TAOK3: variants seen among roughly 807,000 people sequenced by gnomAD.
TAOK3 encodes the protein TAO kinase 3.
A neutral mutation model predicts 120.4 loss-of-function variants in TAOK3; 40 were observed. That is an observed-to-expected ratio of 0.33 (90% CI 0.26 to 0.43). The LOEUF (loss-of-function observed/expected upper bound fraction) is 0.43. Ranked by LOEUF, TAOK3 falls within the 20% of genes least tolerant of loss-of-function variation. The pLI is 1.00. For missense variants in TAOK3, 821 were observed against 1,112.1 expected, an observed-to-expected ratio of 0.74 and a Z score of 3.72; for synonymous variants, 355 against 387.5, an observed-to-expected ratio of 0.92 and a Z score of 0.99.
At chr12:118,336,818 T>C (rs1029459493) in intron 1 of TAOK3, among the ~76,000 whole-genome samples, 7 of 152,180 alleles carry the variant, frequency 4.6e-5, no homozygotes, top group Non-Finnish European at 1.0e-4. Flanking sequence ...ACACCTATAA[T>C]ACCAGCACTT....
At chr12:118,358,610 C>T (rs996359280) in intron 1 of TAOK3, among the ~76,000 whole-genome samples, 11 of 152,024 alleles carry the variant, frequency 7.2e-5, no homozygotes, top group South Asian at 4.1e-4. Flanking sequence ...AAGACTCTTC[C>T]GACAAAATAT....
intron 11 of TAOK3, among the ~76,000 whole-genome samples, chr12:118,202,573 T>C (rs998693738): frequency 1.1e-4 from 17 of 152,144 alleles, no homozygotes; most frequent in African/African-American, 4.1e-4. Context: ...AGGTGTGAGG[T>C]GATACCTCAT....
In TAOK3 at chr12:118,205,467, G is replaced by A. The variant is rs554286528; in HGVS notation, c.820-4004C>T. On this transcript the variant is annotated intron_variant, in intron 11 of 20. Coordinates refer to ENST00000392533, the MANE Select transcript of TAOK3 (RefSeq NM_016281.4). Reference sequence around the variant, plus strand: ...ATAGCTAATTAGTAGAAGAGCTACGGCTGCAACTCAGGCTTTAAAAATTTT... The same window carrying A: ...ATAGCTAATTAGTAGAAGAGCTACGACTGCAACTCAGGCTTTAAAAATTTT... Among the ~76,000 whole-genome samples the A allele has an allele frequency of 1.3e-3, 196 of 152,220 alleles. 2 individuals carry two copies. Among genetic ancestry groups the A allele is most frequent in the African/African-American group, 4.5e-3 (186 of 41,542 alleles).
At chr12:118,213,038 T>TAGA in intron 10 of TAOK3, 43 bp from the exon 11 acceptor site, 1 of 1,264,710 alleles carries the variant, frequency 7.9e-7, no homozygotes, top group Admixed American at 2.6e-5. Context: ...TCAGGGTCTG[T>TAGA]AGAGCACACT....
chr12:118,150,889 A>G lies in TAOK3; in HGVS notation c.*108T>C, dbSNP rs1304004547. On this transcript the variant is annotated 3_prime_UTR_variant, in exon 21 of 21. Coordinates refer to ENST00000392533, the MANE Select transcript of TAOK3 (RefSeq NM_016281.4). Reference sequence around the variant, plus strand: ...ATGTCAGTAAGAGTAAGAGAGAGAGAGAGTGAGAGCAACGCCCGTTAAAAT... The same window carrying G: ...ATGTCAGTAAGAGTAAGAGAGAGAGGGAGTGAGAGCAACGCCCGTTAAAAT... 1.8e-6 allele frequency: 2 copies of G among 1,119,916 alleles called. No homozygotes were observed. Among genetic ancestry groups the G allele is most frequent in the Admixed American group, 5.0e-5 (2 of 39,712 alleles). 69.4% of individuals were successfully genotyped at this position (1,119,916 alleles called of 1,614,324 possible).
At chr12:118,277,079 C>A (rs1278663696) in intron 1 of TAOK3, among the ~76,000 whole-genome samples, 1 of 152,216 alleles carries the variant, frequency 6.6e-6, no homozygotes, top group Non-Finnish European at 1.5e-5. Flanking sequence ...CAATGTCTCT[C>A]CAAATCAAAC....
chr12:118,263,347 T>C (rs1341696039), intron 2 of TAOK3, among the ~76,000 whole-genome samples: 3 of 152,202 alleles, frequency 2.0e-5, no homozygotes, highest in Non-Finnish European at 2.9e-5. Context: ...TGACTCCAAA[T>C]AGGTTATAGA....
intron 11 of TAOK3, among the ~76,000 whole-genome samples, chr12:118,204,349 A>G (rs1308889088): frequency 5.9e-5 from 9 of 152,136 alleles, no homozygotes; most frequent in Admixed American, 5.9e-4. Context: ...AGACATTGGG[A>G]AAATGAGATA....
rs1555215274 is a variant in TAOK3 at position 118,182,623 on chromosome 12, ATTT to A, written c.1330-1019_1330-1017del. Among the ~76,000 whole-genome samples the A allele has an allele frequency of 2.4e-3, 222 of 92,388 alleles. 3 individuals are homozygous for A. The highest frequency in any genetic ancestry group is 9.7e-3 in the East Asian group (27 of 2,784). 60.6% of individuals were successfully genotyped at this position (92,388 alleles called of 152,430 possible). ...TGTATATATATATATATATATATAT[ATTT>A]TTTTTTTTTTTTAAGGATCATGTCT... On this transcript the variant is annotated intron_variant, in intron 14 of 20. Coordinates refer to ENST00000392533, the MANE Select transcript of TAOK3 (RefSeq NM_016281.4).
intron 1 of TAOK3, among the ~76,000 whole-genome samples, chr12:118,323,849 A>G (rs2043821272): frequency 6.6e-6 from 1 of 152,210 alleles, no homozygotes; most frequent in Non-Finnish European, 1.5e-5. Context: ...TTCATGAAAA[A>G]GATGAAATTA....
intron 11 of TAOK3, among the ~76,000 whole-genome samples, chr12:118,202,069 A>G (rs1213542391): frequency 6.6e-6 from 1 of 151,504 alleles, no homozygotes; most frequent in Non-Finnish European, 1.5e-5. Context: ...GGTTTATCTC[A>G]CTTAGCATAA....
At chr12:118,258,004 G>A (rs185997477) in intron 2 of TAOK3, among the ~76,000 whole-genome samples, 78 of 152,212 alleles carry the variant, frequency 5.1e-4, no homozygotes, top group Non-Finnish European at 9.0e-4. Context: ...TGGATCATGA[G>A]GGGAAAATAA....
At chr12:118,220,281 C>T (rs2039166051) in intron 9 of TAOK3, among the ~76,000 whole-genome samples, 1 of 152,138 alleles carries the variant, frequency 6.6e-6, no homozygotes, top group Non-Finnish European at 1.5e-5. Context: ...ATGTTCATCT[C>T]TGCATTCTCA....
Position 118,266,799 on chromosome 12 carries a change from A to G in TAOK3, c.-193-40T>C, listed in dbSNP as rs117867082. On this transcript the variant is annotated intron_variant, in intron 1 of 20. Transcript: ENST00000392533. ...GAACAAAATACATAATTATCAGCCAAATTAAAGAATCAATAATTGCTCATG... is the reference window on the plus strand; with the variant it reads ...GAACAAAATACATAATTATCAGCCAGATTAAAGAATCAATAATTGCTCATG... 1.5e-5 allele frequency: 6 copies of G among 392,366 alleles called. No homozygotes were observed. In the East Asian group the frequency reaches 2.2e-4, roughly 14 times the overall value. 24.3% of individuals were successfully genotyped at this position (392,366 alleles called of 1,614,324 possible). A position where few individuals can be genotyped will look rare whatever the true frequency, so the allele number is the denominator to read the frequency against.
chr12:118,269,447 T>C (rs897221577), intron 1 of TAOK3, among the ~76,000 whole-genome samples: 6 of 147,152 alleles, frequency 4.1e-5, no homozygotes, highest in African/African-American at 1.5e-4. Context: ...ATCGGCTTAC[T>C]GCAACCTCTG....
chr12:118,330,187 C>G (rs1254922359), intron 1 of TAOK3, among the ~76,000 whole-genome samples: 1 of 152,090 alleles, frequency 6.6e-6, no homozygotes, highest in Non-Finnish European at 1.5e-5. Flanking sequence ...AGAACCCTCA[C>G]TATAAAAAGT....
intron 1 of TAOK3, among the ~76,000 whole-genome samples, chr12:118,370,797 C>A (rs2045872218): frequency 2.0e-5 from 3 of 152,198 alleles, no homozygotes; most frequent in African/African-American, 7.2e-5. Flanking sequence ...CTCCCACCCC[C>A]TATTGCTTCC....
At chr12:118,357,650 T>C (rs760256523) in intron 1 of TAOK3, among the ~76,000 whole-genome samples, 80 of 152,326 alleles carry the variant, frequency 5.3e-4, no homozygotes, top group Non-Finnish European at 1.1e-3. Flanking sequence ...GGCAGCCATA[T>C]AATCTGCAAT....
intron 19 of TAOK3, among the ~76,000 whole-genome samples, chr12:118,153,289 T>C (rs1048545172): frequency 6.6e-6 from 1 of 152,154 alleles, no homozygotes; most frequent in Admixed American, 6.5e-5. Context: ...CATGTGCCTG[T>C]AGTCCCAGCT....
Sources: allele counts gnomAD v4.1 joint callset (sites outside exome capture counted in the v4.1 genomes callset), GRCh38; gene constraint gnomAD v4.1.1; transcripts MANE v1.5; gene names NCBI Gene and HGNC (gene_info 2026-07-23, HGNC 2026-07-21).